Variants in GALNT9 observed in about 807,000 individuals in gnomAD.
The protein encoded by GALNT9 is polypeptide N-acetylgalactosaminyltransferase 9.
In GALNT9, 47 loss-of-function variants were observed where a neutral mutation model predicts 63.1. The observed-to-expected ratio is 0.75, with a 90% CI of 0.59 to 0.95. GALNT9 has a LOEUF of 0.95. Among genes scored for constraint, GALNT9 ranks in the 40% least tolerant of loss-of-function variants. The pLI is 0.00. For synonymous variants in GALNT9, 396 were observed against 365.7 expected, an observed-to-expected ratio of 1.08 and a Z score of -0.94; for missense variants, 829 against 874.8, an observed-to-expected ratio of 0.95 and a Z score of 0.66.
At chr12:132,273,068 ATCACAGTTCCACTC>A (rs1355683384) in intron 2 of GALNT9, 3 of 152,292 alleles carry the variant, frequency 2.0e-5, no homozygotes, top group African/African-American at 7.2e-5. Context: ...GTTCTATGAA[ATCACAGTTCCACTC>A]TGCTGGTGGG....
intron 6 of GALNT9, among the ~76,000 whole-genome samples, chr12:132,221,658 C>CAAAA (rs761220333): frequency 0.017 from 1,379 of 79,602 alleles, 151 homozygotes; most frequent in African/African-American, 0.052. Flanking sequence ...GAGACGTTCT[C>CAAAA]AAAAAAAAAA....
intron 1 of GALNT9, among the ~76,000 whole-genome samples, chr12:132,302,503 T>C (rs1881336976): frequency 6.6e-6 from 1 of 152,216 alleles, no homozygotes; most frequent in South Asian, 2.1e-4. Context: ...AGCCGTGCCA[T>C]TTATTCACCC....
intron 1 of GALNT9, among the ~76,000 whole-genome samples, chr12:132,318,137 G>C (rs1555245851): frequency 6.6e-6 from 1 of 152,200 alleles, no homozygotes; most frequent in Admixed American, 6.5e-5. Context: ...AGCTACTCGG[G>C]AGGCTGAGGC....
intron 7 of GALNT9, among the ~76,000 whole-genome samples, chr12:132,201,706 G>A (rs1262206586): frequency 6.6e-6 from 1 of 152,200 alleles, no homozygotes; most frequent in Non-Finnish European, 1.5e-5. Context: ...GGCCCCGCCT[G>A]GCACGTGTTG....
chr12:132,271,981 A>T (rs1555240772), intron 2 of GALNT9, among the ~76,000 whole-genome samples: 1 of 151,972 alleles, frequency 6.6e-6, no homozygotes, highest in Non-Finnish European at 1.5e-5. Context: ...TTGCCAACTG[A>T]CCAAACTCCA....
chr12:132,211,903 C>G (rs918954339), intron 6 of GALNT9, among the ~76,000 whole-genome samples: 1 of 152,250 alleles, frequency 6.6e-6, no homozygotes, highest in African/African-American at 2.4e-5. Flanking sequence ...GGCTGTGGCC[C>G]ATGTGACGGT....
chr12:132,243,549 C>A (rs1359455087), intron 6 of GALNT9, among the ~76,000 whole-genome samples: 3 of 151,838 alleles, frequency 2.0e-5, no homozygotes, highest in Admixed American at 2.0e-4. Flanking sequence ...TCCTTCCCTC[C>A]AGACACCACG....
At chr12:132,251,587 GGA>G (rs1555238579) in intron 5 of GALNT9, among the ~76,000 whole-genome samples, 1 of 152,222 alleles carries the variant, frequency 6.6e-6, no homozygotes, top group East Asian at 1.9e-4. Context: ...CTTCTGACCA[GGA>G]GAGGTCTCAG....
At chr12:132,260,827 G>C in intron 4 of GALNT9, 121 bp downstream of exon 4, 1 of 1,345,608 alleles carries the variant, frequency 7.4e-7, no homozygotes. Context: ...TGAAGGCTAC[G>C]GCGAGTCTCC....
intron 9 of GALNT9, 54 bp from the exon 10 acceptor site, chr12:132,198,013 T>C (rs1875659742): frequency 2.7e-6 from 4 of 1,461,632 alleles, no homozygotes; most frequent in Non-Finnish European, 3.8e-6. Flanking sequence ...CTCTCCCCAG[T>C]GAGCACTGAC....
Position 132,196,839 on chromosome 12 carries a change from C to G in GALNT9, c.*268G>C. 1 of 1,276,538 alleles carries G rather than the reference C, an allele frequency of 7.8e-7. No homozygotes were observed. Among genetic ancestry groups the G allele is most frequent in the East Asian group, 3.7e-5 (1 of 26,958 alleles). The allele number at this position is 1,276,538 out of a possible 1,614,324, so 79.1% of individuals were successfully genotyped here. Reference sequence around the variant, plus strand: ...TCCCAGCAGCCTGGCCAGGAGATACCGTGGAGAAGGCACGTGTTTGAGTTG... The same window carrying G: ...TCCCAGCAGCCTGGCCAGGAGATACGGTGGAGAAGGCACGTGTTTGAGTTG... On this transcript the variant is annotated 3_prime_UTR_variant, in exon 11 of 11. Coordinates refer to ENST00000328957, the MANE Select transcript of GALNT9 (RefSeq NM_001122636.2).
chr12:132,262,426 G>T, intron 3 of GALNT9, 33 bp downstream of exon 3: 3 of 1,533,886 alleles, frequency 2.0e-6, no homozygotes, highest in Non-Finnish European at 2.6e-6. Context: ...GCAGCCGCCC[G>T]GCGAGCACCG....
At chr12:132,251,944 A>G (rs28694307) in intron 5 of GALNT9, among the ~76,000 whole-genome samples, 25,399 of 152,094 alleles carry the variant, frequency 0.17, 2,303 homozygotes, top group Middle Eastern at 0.29. Flanking sequence ...CAGCTCCCCC[A>G]GGCCTGCCCC....
At chr12:132,202,569 TTTGGTGCTAC>T (rs1186318025) in intron 7 of GALNT9, among the ~76,000 whole-genome samples, 1 of 152,186 alleles carries the variant, frequency 6.6e-6, no homozygotes, top group African/African-American at 2.4e-5. Context: ...GAAGGGTCAC[TTTGGTGCTAC>T]GTACACAAAG....
intron 6 of GALNT9, among the ~76,000 whole-genome samples, chr12:132,206,678 C>CA (rs931182233): frequency 1.3e-5 from 2 of 150,254 alleles, no homozygotes; most frequent in African/African-American, 4.9e-5. Flanking sequence ...AAACCACAGG[C>CA]AGAGAGGAGC....
At position 132,197,131 on chromosome 12, in the gene GALNT9, G is replaced by C; in HGVS notation, c.1788C>G (p.Asn596Lys). The stretch of plus-strand genomic sequence containing the variant: ...GTCAGTGCCGTGCGTGTTTGATCCA[G>C]TTTCTGATCATCCACTTCTGCCCCG... ...RCSGQKWMIR[N>K]WIKHARH The change falls in exon 11 of 11, where the codon AAC becomes AAG. Residue 596 changes from asparagine to lysine, a missense_variant. Coordinates refer to ENST00000328957, the MANE Select transcript of GALNT9 (RefSeq NM_001122636.2). 1 of 1,614,180 alleles carries C rather than the reference G, an allele frequency of 6.2e-7. No individual in the cohort carries two copies.
chr12:132,309,370 C>T (rs1489262292), intron 1 of GALNT9, among the ~76,000 whole-genome samples: 3 of 152,194 alleles, frequency 2.0e-5, no homozygotes, highest in African/African-American at 7.2e-5. Flanking sequence ...GGTCGTGCCC[C>T]AGTTTAGATG....
rs541118249 is a variant in GALNT9, at chr12:132,284,860, G to A, written c.419+1390C>T. On this transcript the variant is annotated intron_variant, in intron 2 of 10. Coordinates refer to ENST00000328957, the MANE Select transcript of GALNT9 (RefSeq NM_001122636.2). ...TCCGGGTTCCTGCACCAACCTCCAC[G>A]CAGCCCGGGGCGCTCCCTGCACCCC... Among the ~76,000 whole-genome samples the A allele has an allele frequency of 7.2e-5, 11 of 152,348 alleles. No homozygotes were observed. In the South Asian group the frequency reaches 1.4e-3, roughly 20 times the overall value.
rs1555239682 is a variant in GALNT9 at position 132,260,962 on chromosome 12, C to T, written c.747G>A (p.Glu249=). The T allele has an allele frequency of 6.5e-7, 1 of 1,545,026 alleles. No homozygotes were observed. The highest frequency in any genetic ancestry group is 1.4e-5 in the African/African-American group (1 of 72,674). ...CCGGCCCTTACCAGCCCGTGTTGAA[C>T]TCGACGTGGGCATCAAAGAAGCCGA... ...PVVGFFDAHV[E]FNTGWAEPAL... is the part of the protein sequence containing the mutation. The change falls in exon 4 of 11, where the codon GAG becomes GAA. Residue 249 remains glutamate, a synonymous_variant. Coordinates refer to ENST00000328957, the MANE Select transcript of GALNT9 (RefSeq NM_001122636.2).
Sources: allele counts gnomAD v4.1 joint callset (sites outside exome capture counted in the v4.1 genomes callset), GRCh38; gene constraint gnomAD v4.1.1; transcripts MANE v1.5; gene names NCBI Gene and HGNC (gene_info 2026-07-23, HGNC 2026-07-21).